The following ASTN2 variants were observed in gnomAD, a reference collection of about 807,000 sequenced individuals.
ASTN2 encodes astrotactin 2.
A neutral mutation model predicts 139.8 loss-of-function variants in ASTN2; 54 were observed. The observed-to-expected ratio is 0.39, with a 90% CI of 0.31 to 0.48. The LOEUF is 0.48. Among genes scored for constraint, ASTN2 ranks in the 20% least tolerant of loss-of-function variants. ASTN2 has a pLI of 0.95. For missense variants in ASTN2, 1,565 were observed against 1,725.1 expected (o/e 0.91, Z 1.64); for synonymous variants, 756 against 719.5 (o/e 1.05, Z -0.81).
intron 5 of ASTN2, among the ~76,000 whole-genome samples, chr9:117,088,313 C>G (rs1828620131): frequency 6.6e-6 from 1 of 152,136 alleles, no homozygotes; most frequent in Non-Finnish European, 1.5e-5. Context: ...TACCATCCGC[C>G]CTCACACCTT....
At chr9:116,573,530 T>G (rs534738324) in intron 19 of ASTN2, among the ~76,000 whole-genome samples, 1 of 152,210 alleles carries the variant, frequency 6.6e-6, no homozygotes, top group African/African-American at 2.4e-5. Flanking sequence ...CAGAATGTTA[T>G]GGGACAAAAT....
At chr9:116,612,481 C>A (rs973986685) in intron 19 of ASTN2, 1 of 152,154 alleles carries the variant, frequency 6.6e-6, no homozygotes. Context: ...GTAAAGCACT[C>A]CTCAGCAAAT....
intron 1 of ASTN2, among the ~76,000 whole-genome samples, chr9:117,399,478 T>C (rs565059258): frequency 6.2e-4 from 94 of 152,302 alleles, no homozygotes; most frequent in Non-Finnish European, 1.1e-3. Flanking sequence ...TTCCAAGTAT[T>C]GAACCAGAGA....
chr9:116,790,076 C>T (rs1036062991), intron 13 of ASTN2, among the ~76,000 whole-genome samples: 18 of 151,992 alleles, frequency 1.2e-4, no homozygotes. Context: ...CAGGCACTCA[C>T]AACCACACCC....
intron 1 of ASTN2, among the ~76,000 whole-genome samples, chr9:117,297,561 A>G (rs542246247): frequency 6.6e-6 from 1 of 152,352 alleles, no homozygotes; most frequent in South Asian, 2.1e-4. Context: ...GAAGTGTTTA[A>G]TGAAGGGAGC....
chr9:116,757,477 T>C (rs752163012), intron 13 of ASTN2, among the ~76,000 whole-genome samples: 21 of 151,998 alleles, frequency 1.4e-4, no homozygotes, highest in Non-Finnish European at 2.8e-4. Context: ...AAATGAAGGA[T>C]AGAGAGAGTT....
At chr9:116,619,650 A>T (rs1856024372) in intron 18 of ASTN2, among the ~76,000 whole-genome samples, 1 of 148,314 alleles carries the variant, frequency 6.7e-6, no homozygotes, top group Non-Finnish European at 1.5e-5. Flanking sequence ...CAGCCTCCAT[A>T]GTAGCTGGGA....
At position 116,909,090 on chromosome 9, in the gene ASTN2, T is replaced by G. The variant is rs183843893; in HGVS notation, c.1890-45357A>C. On this transcript the variant is annotated intron_variant, in intron 10 of 22. Transcript: ENST00000313400. ...GACACTGGATTCATTCTAAATGTGC[T>G]AAAAAAGCCATGGCAGGGAGGCATT... 2.9e-3 allele frequency among the ~76,000 whole-genome samples: 443 copies of G among 152,282 alleles called. 5 individuals carry two copies. Among genetic ancestry groups the G allele is most frequent in the South Asian group, 0.026 (127 of 4,822 alleles).
At chr9:117,191,245 A>AAG (rs71504053) in intron 3 of ASTN2, among the ~76,000 whole-genome samples, 6 of 150,878 alleles carry the variant, frequency 4.0e-5, no homozygotes, top group African/African-American at 9.7e-5. Flanking sequence ...AAAAAAAAAA[A>AAG]GCTGCTAAAA....
intron 13 of ASTN2, among the ~76,000 whole-genome samples, chr9:116,766,997 C>A (rs1829828932): frequency 6.6e-6 from 1 of 152,032 alleles, no homozygotes; most frequent in South Asian, 2.1e-4. Flanking sequence ...TTGATAGTCA[C>A]ACAAACACAC....
At chr9:116,921,996 G>T (rs1438325897) in intron 10 of ASTN2, among the ~76,000 whole-genome samples, 3 of 152,118 alleles carry the variant, frequency 2.0e-5, no homozygotes, top group Non-Finnish European at 4.4e-5. Flanking sequence ...GATTTGGGTG[G>T]CAATACAAAT....
intron 4 of ASTN2, among the ~76,000 whole-genome samples, chr9:117,114,879 A>C (rs62562237): frequency 0.23 from 34,968 of 152,094 alleles, 4,989 homozygotes; most frequent in Middle Eastern, 0.4. Flanking sequence ...TAGGCACACC[A>C]GTCAACATCC....
intron 1 of ASTN2, among the ~76,000 whole-genome samples, chr9:117,351,505 C>A (rs1202353223): frequency 1.3e-5 from 2 of 152,160 alleles, no homozygotes; most frequent in Non-Finnish European, 2.9e-5. Flanking sequence ...CCATTCAATA[C>A]TTCATGCATA....
intron 13 of ASTN2, among the ~76,000 whole-genome samples, chr9:116,756,653 A>G (rs1394565590): frequency 1.3e-5 from 2 of 151,908 alleles, no homozygotes; most frequent in Non-Finnish European, 2.9e-5. Flanking sequence ...ACTCCCTTCC[A>G]CTAGTCAGCC....
At chr9:117,004,690 C>T (rs7042036) in intron 7 of ASTN2, among the ~76,000 whole-genome samples, 84,819 of 151,980 alleles carry the variant, frequency 0.56, 27,173 homozygotes, top group East Asian at 0.72. Context: ...ATGGTATTCA[C>T]GTAACCAGTT....
chr9:116,765,488 G>A (rs1324392134), intron 13 of ASTN2, among the ~76,000 whole-genome samples: 1 of 152,160 alleles, frequency 6.6e-6, no homozygotes, highest in African/African-American at 2.4e-5. Context: ...CATATCTCTT[G>A]CCCAAGAGGT....
Position 117,106,792 on chromosome 9 carries a change from G to GTCTATCTA in ASTN2, c.1169-10649_1169-10642dup, listed in dbSNP as rs543570500. On this transcript the variant is annotated intron_variant, in intron 4 of 22. Transcript: ENST00000313400. Reference sequence around the variant, plus strand: ...AAAATATCTATCTATCTATCTATCTGTCTATCTATCTATCTATCTATATAC... The same window carrying GTCTATCTA: ...AAAATATCTATCTATCTATCTATCTGTCTATCTATCTATCTATCTATCTATCTATATAC... 6.9e-5 allele frequency among the ~76,000 whole-genome samples: 10 copies of GTCTATCTA among 144,376 alleles called. No homozygotes were observed. The South Asian group carries it at 1.6e-3, about 23-fold the overall frequency. The allele number at this position is 144,376 out of a possible 152,430, so 94.7% of individuals were successfully genotyped here. A position where few individuals can be genotyped will look rare whatever the true frequency, so the allele number is the denominator to read the frequency against.
At chr9:116,780,379 A>G (rs1200816644) in intron 13 of ASTN2, among the ~76,000 whole-genome samples, 2 of 152,224 alleles carry the variant, frequency 1.3e-5, no homozygotes. Flanking sequence ...CTGAAATCTA[A>G]GTCTAGGCGT....
chr9:117,057,387 G>A (rs984286772), intron 5 of ASTN2, among the ~76,000 whole-genome samples: 5 of 152,168 alleles, frequency 3.3e-5, no homozygotes, highest in African/African-American at 1.2e-4. Context: ...CAGGGTAGTG[G>A]TGGTTCCCTA....
Sources: gnomAD v4.1 joint callset for allele counts (sites outside exome capture counted in the v4.1 genomes callset) on GRCh38, gnomAD v4.1.1 for gene constraint, MANE v1.5 for transcripts, NCBI Gene and HGNC (gene_info 2026-07-23, HGNC 2026-07-21) for gene names.